The following SORCS1 variants were observed in gnomAD, a reference collection of about 807,000 sequenced individuals.
The protein encoded by SORCS1 is VPS10 domain-containing receptor SorCS1.
A neutral mutation model predicts 146.1 loss-of-function variants in SORCS1; 60 were observed. The observed-to-expected ratio is 0.41, with a 90% confidence interval of 0.33 to 0.51. The LOEUF is 0.51. Ranked by LOEUF, SORCS1 falls within the 20% of genes least tolerant of loss-of-function variation. The pLI is 0.21. For synonymous variants in SORCS1, 637 were observed against 584.0 expected, an observed-to-expected ratio of 1.09 and a Z score of -1.31; for missense variants, 1,352 against 1,487.6, an observed-to-expected ratio of 0.91 and a Z score of 1.50.
chr10:106,983,684 C>T (rs1007991537), intron 1 of SORCS1, among the ~76,000 whole-genome samples: 12 of 152,178 alleles, frequency 7.9e-5, no homozygotes, highest in Non-Finnish European at 1.5e-4. Context: ...GAATAGTAGC[C>T]AGGAACACTA....
At chr10:107,131,386 G>A (rs1465147331) in intron 1 of SORCS1, among the ~76,000 whole-genome samples, 2 of 152,184 alleles carry the variant, frequency 1.3e-5, no homozygotes, top group East Asian at 3.9e-4. Context: ...CCACAGTCTA[G>A]CTGCAGACCA....
chr10:107,051,317 T>TA (rs1316396969), intron 1 of SORCS1, among the ~76,000 whole-genome samples: 3 of 152,166 alleles, frequency 2.0e-5, no homozygotes, highest in Non-Finnish European at 4.4e-5. Flanking sequence ...TTACCAGCCA[T>TA]AAAAATATCT....
At chr10:106,599,344 A>G (rs1364505960) in intron 23 of SORCS1, among the ~76,000 whole-genome samples, 2 of 151,356 alleles carry the variant, frequency 1.3e-5, no homozygotes, top group African/African-American at 2.4e-5. Flanking sequence ...CTCCAGCCTC[A>G]GAGACAGAGT....
At chr10:107,152,991 G>A (rs186207106) in intron 1 of SORCS1, among the ~76,000 whole-genome samples, 3 of 151,768 alleles carry the variant, frequency 2.0e-5, no homozygotes, top group African/African-American at 7.3e-5. Flanking sequence ...TTCTCAATCT[G>A]CCTCTGCTCT....
intron 8 of SORCS1, among the ~76,000 whole-genome samples, chr10:106,704,418 T>C (rs917870293): frequency 1.3e-5 from 2 of 149,622 alleles, no homozygotes; most frequent in African/African-American, 5.1e-5. Context: ...CCGGCCAGGC[T>C]CAGTGGCTCA....
At chr10:106,965,584 A>G (rs1469543036) in intron 1 of SORCS1, among the ~76,000 whole-genome samples, 1 of 152,180 alleles carries the variant, frequency 6.6e-6, no homozygotes, top group Non-Finnish European at 1.5e-5. Context: ...AGAAATTTCA[A>G]TTATCTGATT....
intron 1 of SORCS1, among the ~76,000 whole-genome samples, chr10:107,098,700 T>A (rs1475582129): frequency 6.6e-6 from 1 of 152,240 alleles, no homozygotes; most frequent in Non-Finnish European, 1.5e-5. Flanking sequence ...TTGAAATTAG[T>A]TCCTTGAAGA....
chr10:106,794,868 C>T (rs1034835317), intron 3 of SORCS1, among the ~76,000 whole-genome samples: 3 of 152,188 alleles, frequency 2.0e-5, no homozygotes, highest in Non-Finnish European at 4.4e-5. Flanking sequence ...CTCCATTCAT[C>T]TACAATTACC....
intron 10 of SORCS1, among the ~76,000 whole-genome samples, chr10:106,686,120 G>T (rs375827144): frequency 1.3e-3 from 196 of 152,196 alleles, no homozygotes; most frequent in African/African-American, 4.3e-3. Context: ...TAAAAAAAAT[G>T]GTCCCATTGG....
At chr10:107,130,095 C>T (rs567029377) in intron 1 of SORCS1, among the ~76,000 whole-genome samples, 8 of 152,124 alleles carry the variant, frequency 5.3e-5, no homozygotes, top group Non-Finnish European at 1.2e-4. Flanking sequence ...AATAAAGGAC[C>T]ATCCAACTGG....
intron 3 of SORCS1, among the ~76,000 whole-genome samples, chr10:106,816,530 A>G (rs1229596274): frequency 6.6e-6 from 1 of 152,212 alleles, no homozygotes; most frequent in Non-Finnish European, 1.5e-5. Context: ...GCAACAAATC[A>G]TCATCAGGAA....
At chr10:106,857,226 A>G (rs976188069) in intron 2 of SORCS1, among the ~76,000 whole-genome samples, 1 of 152,238 alleles carries the variant, frequency 6.6e-6, no homozygotes, top group African/African-American at 2.4e-5. Flanking sequence ...ACCAGGGATG[A>G]GCCAAGCTGC....
intron 1 of SORCS1, among the ~76,000 whole-genome samples, chr10:107,042,938 G>A (rs994390929): frequency 1.3e-5 from 2 of 152,088 alleles, no homozygotes; most frequent in African/African-American, 4.8e-5. Context: ...AGCTCAAGAA[G>A]GCCATGTTGG....
chr10:107,150,542 G>C (rs1377172461), intron 1 of SORCS1, among the ~76,000 whole-genome samples: 2 of 152,192 alleles, frequency 1.3e-5, no homozygotes, highest in African/African-American at 4.8e-5. Flanking sequence ...TTTTGGAAGG[G>C]CACCGTCTTC....
At chr10:107,101,252 C>T (rs1321657894) in intron 1 of SORCS1, among the ~76,000 whole-genome samples, 1 of 152,162 alleles carries the variant, frequency 6.6e-6, no homozygotes, top group Non-Finnish European at 1.5e-5. Flanking sequence ...ACCATGTTGA[C>T]CAGGCTGCTC....
Position 106,956,389 on chromosome 10 carries a change from A to C in SORCS1, c.626+124T>G. 8 of 792,032 alleles carry C rather than the reference A, an allele frequency of 1.0e-5. 1 individual carries two copies. The allele number at this position is 792,032 out of a possible 1,614,324, so 49.1% of individuals were successfully genotyped here. A position where few individuals can be genotyped will look rare whatever the true frequency, so the allele number is the denominator to read the frequency against. On this transcript the variant is annotated intron_variant, in intron 2 of 25. Transcript: ENST00000263054. The stretch of plus-strand genomic sequence containing the variant: ...GCATCACTAAAGGAAACAGAGAAGA[A>C]AGAGAGAAAGCAAGCAGTGCATATC...
intron 22 of SORCS1, among the ~76,000 whole-genome samples, chr10:106,611,056 G>A (rs1006822671): frequency 1.2e-4 from 18 of 152,056 alleles, no homozygotes; most frequent in African/African-American, 4.1e-4. Flanking sequence ...CTCCAGCCTG[G>A]GTGACAGAGT....
chr10:106,694,575 T>C (rs966642488), intron 9 of SORCS1, among the ~76,000 whole-genome samples: 3 of 152,216 alleles, frequency 2.0e-5, no homozygotes, highest in African/African-American at 7.2e-5. Flanking sequence ...CTGTAATAAA[T>C]GTATCTTCAA....
At chr10:107,065,450 T>TCTTTCTTTCTTTCTTTCTTTCTTTC (rs200861876) in intron 1 of SORCS1, among the ~76,000 whole-genome samples, 1 of 137,928 alleles carries the variant, frequency 7.3e-6, no homozygotes, top group Admixed American at 7.3e-5. Context: ...TTTCTTTCTT[T>TCTTTCTTTCTTTCTTTCTTTCTTTC]TCTCTCTTTC....
Sources: allele counts gnomAD v4.1 joint callset (sites outside exome capture counted in the v4.1 genomes callset), GRCh38; gene constraint gnomAD v4.1.1; transcripts MANE v1.5; gene names NCBI Gene and HGNC (gene_info 2026-07-23, HGNC 2026-07-21).